Variants in LRFN5 observed in about 807,000 individuals in gnomAD.
LRFN5 encodes leucine rich repeat and fibronectin type III domain containing 5, also known as leucine-rich repeat and fibronectin type-III domain-containing protein 5.
LRFN5 carries 24 observed loss-of-function variants against 45.6 expected under a neutral mutation model. The ratio of observed to expected loss-of-function variants is 0.53; its 90% CI spans 0.38 to 0.74. LRFN5 has a LOEUF of 0.74. Among genes scored for constraint, LRFN5 ranks in the 30% least tolerant of loss-of-function variants. The pLI, the probability that LRFN5 is intolerant of heterozygous loss-of-function variation, is 0.00. For synonymous variants in LRFN5, 340 were observed against 313.8 expected, an observed-to-expected ratio of 1.08 and a Z score of -0.88; for missense variants, 776 against 861.5, an observed-to-expected ratio of 0.90 and a Z score of 1.24.
chr14:41,665,337 A>G (rs1880847919), intron 1 of LRFN5, among the ~76,000 whole-genome samples: 1 of 152,040 alleles, frequency 6.6e-6, no homozygotes, highest in Non-Finnish European at 1.5e-5. Flanking sequence ...AGAAATTTAT[A>G]TAAGGGATTA....
chr14:41,825,787 G>T (rs922971880), intron 2 of LRFN5, among the ~76,000 whole-genome samples: 1 of 152,100 alleles, frequency 6.6e-6, no homozygotes, highest in Admixed American at 6.6e-5. Context: ...GCAGCTCAGT[G>T]CAATGCCCTC....
intron 2 of LRFN5, among the ~76,000 whole-genome samples, chr14:41,810,516 T>C (rs574962482): frequency 3.2e-4 from 49 of 152,088 alleles, no homozygotes; most frequent in Non-Finnish European, 4.0e-4. Flanking sequence ...ACTGTCTCAT[T>C]TTCCTATCAG....
At chr14:41,673,204 A>T (rs971754906) in intron 1 of LRFN5, among the ~76,000 whole-genome samples, 3 of 151,906 alleles carry the variant, frequency 2.0e-5, no homozygotes, top group Admixed American at 2.0e-4. Flanking sequence ...CATTGTCATC[A>T]TGGCCCGTTC....
intron 2 of LRFN5, among the ~76,000 whole-genome samples, chr14:41,781,189 T>G (rs1886468528): frequency 6.6e-6 from 1 of 152,130 alleles, no homozygotes. Flanking sequence ...GAACTTCTTT[T>G]AAAATTTCTG....
chr14:41,797,197 T>A (rs1887162833), intron 2 of LRFN5, among the ~76,000 whole-genome samples: 1 of 151,840 alleles, frequency 6.6e-6, no homozygotes, highest in Non-Finnish European at 1.5e-5. Context: ...TCCTTAGCAT[T>A]TTTCATGGCA....
chr14:41,895,745 G>A (rs1362832075), intron 4 of LRFN5, among the ~76,000 whole-genome samples: 1 of 151,560 alleles, frequency 6.6e-6, no homozygotes, highest in Non-Finnish European at 1.5e-5. Context: ...GTCAGTGGGG[G>A]TCTCTGTAAG....
At chr14:41,888,080 AT>A (rs1280111106) in intron 3 of LRFN5, 70 bp downstream of exon 3, 44 of 1,187,196 alleles carry the variant, frequency 3.7e-5, no homozygotes, top group South Asian at 6.1e-5. Flanking sequence ...TGTACTACTG[AT>A]TTTTTTTAAT....
Position 41,891,820 on chromosome 14 carries a change from T to A in LRFN5, c.1956T>A (p.Ser652Arg). ...AAAGAAAGACTGGCACAAAGCCAAG[T>A]ACAGAACCACAGAATGAAGCCGTCA... ...KQKRKTGTKP[S>R]TEPQNEAVTN... The change falls in exon 4 of 6, where the codon AGT becomes AGA. Residue 652 changes from serine (S) to arginine (R), a missense_variant. Around this residue, in one of 2 missense-constraint regions of LRFN5, gnomAD observed 465 missense variants for 456.4 expected, o/e 1.02. Coordinates refer to ENST00000298119, the MANE Select transcript of LRFN5 (RefSeq NM_152447.5). 6.2e-7 allele frequency: 1 copy of A among 1,614,146 alleles called. No homozygotes were observed. The highest frequency in any genetic ancestry group is 8.5e-7 in the Non-Finnish European group (1 of 1,180,030).
At chr14:41,719,300 A>C (rs934061797) in intron 1 of LRFN5, among the ~76,000 whole-genome samples, 1 of 152,108 alleles carries the variant, frequency 6.6e-6, no homozygotes, top group African/African-American at 2.4e-5. Flanking sequence ...CAAGAGTAGT[A>C]GATTTTAAGT....
chr14:41,786,116 C>G (rs1886711650), intron 2 of LRFN5, among the ~76,000 whole-genome samples: 1 of 152,072 alleles, frequency 6.6e-6, no homozygotes, highest in East Asian at 1.9e-4. Context: ...TTATAGTTTA[C>G]TTCTATGTAT....
chr14:41,664,699 A>T (rs1880815910), intron 1 of LRFN5, among the ~76,000 whole-genome samples: 1 of 151,928 alleles, frequency 6.6e-6, no homozygotes, highest in East Asian at 1.9e-4. Flanking sequence ...TTCCTCTCTA[A>T]TCCAATGACA....
intron 1 of LRFN5, among the ~76,000 whole-genome samples, chr14:41,746,637 A>G (rs1208260284): frequency 6.6e-6 from 1 of 151,942 alleles, no homozygotes; most frequent in East Asian, 1.9e-4. Flanking sequence ...ATATCTATTC[A>G]CCTACTGTGT....
chr14:41,750,252 G>T (rs1885073120), intron 1 of LRFN5, among the ~76,000 whole-genome samples: 1 of 146,424 alleles, frequency 6.8e-6, no homozygotes, highest in South Asian at 2.1e-4. Flanking sequence ...ATTTCTTGAG[G>T]CTGAGTAACT....
chr14:41,894,691 T>A (rs1192223888), intron 4 of LRFN5: 1 of 985,214 alleles, frequency 1.0e-6, no homozygotes, highest in Non-Finnish European at 1.2e-6. Flanking sequence ...CCTATCATGA[T>A]GTCTGAAACA....
chr14:41,778,014 G>GA (rs925525081), intron 2 of LRFN5, among the ~76,000 whole-genome samples: 1 of 82,054 alleles, frequency 1.2e-5, no homozygotes, highest in Non-Finnish European at 2.3e-5. Context: ...TTTTTGGTGG[G>GA]GGGGGGGGAT....
intron 2 of LRFN5, among the ~76,000 whole-genome samples, chr14:41,852,898 CA>C (rs1889321097): frequency 6.6e-6 from 1 of 151,898 alleles, no homozygotes; most frequent in Non-Finnish European, 1.5e-5. Flanking sequence ...CAAGATGCTT[CA>C]AATGGAGGGT....
chr14:41,749,418 T>G (rs1885042198), intron 1 of LRFN5, among the ~76,000 whole-genome samples: 1 of 152,126 alleles, frequency 6.6e-6, no homozygotes, highest in Non-Finnish European at 1.5e-5. Context: ...ATTCATTGAT[T>G]TAATGATAGA....
At chr14:41,624,671 A>G (rs1888261391) in intron 1 of LRFN5, among the ~76,000 whole-genome samples, 1 of 152,112 alleles carries the variant, frequency 6.6e-6, no homozygotes, top group Admixed American at 6.6e-5. Context: ...CTGTTACTCT[A>G]CATTACTGCT....
intron 2 of LRFN5, among the ~76,000 whole-genome samples, chr14:41,857,679 C>T (rs1331362858): frequency 1.3e-5 from 2 of 152,204 alleles, no homozygotes; most frequent in Non-Finnish European, 2.9e-5. Flanking sequence ...ATACTCTGGA[C>T]TTGTTCATCA....
Sources: gnomAD v4.1 joint callset for allele counts (sites outside exome capture counted in the v4.1 genomes callset) on GRCh38, gnomAD v4.1.1 for gene constraint, gnomAD v4.1.1 regional missense constraint, MANE v1.5 for transcripts, NCBI Gene and HGNC (gene_info 2026-07-23, HGNC 2026-07-21) for gene names.